The following DNM3 variants were observed in gnomAD, a reference collection of about 807,000 sequenced individuals.
DNM3 encodes dynamin 3.
DNM3 carries 47 observed loss-of-function variants against 101.6 expected under a neutral mutation model. The ratio of observed to expected loss-of-function variants is 0.46; its 90% CI spans 0.37 to 0.59. The LOEUF (loss-of-function observed/expected upper bound fraction) is 0.59, where lower values mean the gene tolerates loss of function less well. DNM3 is among the 20% of genes least tolerant of loss of function. The pLI is 0.00. For synonymous variants in DNM3, 385 were observed against 387.9 expected (o/e 0.99, Z 0.09); for missense variants, 849 against 1,085.7 (o/e 0.78, Z 3.06).
At chr1:172,271,511 A>G (rs1010988505) in intron 15 of DNM3, among the ~76,000 whole-genome samples, 1 of 152,060 alleles carries the variant, frequency 6.6e-6, no homozygotes, top group African/African-American at 2.4e-5. Flanking sequence ...TTCTGCTTTC[A>G]ATCTGTTACA....
intron 2 of DNM3, among the ~76,000 whole-genome samples, chr1:171,929,884 C>G (rs909528332): frequency 2.0e-5 from 3 of 152,118 alleles, no homozygotes; most frequent in East Asian, 1.9e-4. Flanking sequence ...GACGGCTTTT[C>G]CCCCCAGTTG....
intron 20 of DNM3, among the ~76,000 whole-genome samples, chr1:172,397,859 A>T (rs1361519295): frequency 2.0e-5 from 3 of 152,132 alleles, no homozygotes. Flanking sequence ...TGAAAAACGC[A>T]TGGAGTTACT....
At chr1:172,097,545 G>A (rs928566994) in intron 13 of DNM3, among the ~76,000 whole-genome samples, 8 of 152,152 alleles carry the variant, frequency 5.3e-5, no homozygotes, top group Admixed American at 4.6e-4. Flanking sequence ...CATGGTATCC[G>A]AAGCCGTGGG....
chr1:172,207,833 T>C (rs589209), intron 14 of DNM3, among the ~76,000 whole-genome samples: 86,498 of 151,888 alleles, frequency 0.57, 26,636 homozygotes, highest in African/African-American at 0.81. Flanking sequence ...ATCACCTTAA[T>C]ATATTATTTA....
chr1:171,972,592 G>A (rs989031769), intron 2 of DNM3, among the ~76,000 whole-genome samples: 1 of 152,210 alleles, frequency 6.6e-6, no homozygotes, highest in East Asian at 1.9e-4. Flanking sequence ...GCTTATGCCT[G>A]TAATCCCAGC....
chr1:171,866,253 C>T (rs1571317282), intron 1 of DNM3, among the ~76,000 whole-genome samples: 1 of 152,166 alleles, frequency 6.6e-6, no homozygotes, highest in East Asian at 1.9e-4. Context: ...TAATCGCTCC[C>T]TTTCCCTACA....
chr1:172,196,934 T>C (rs1468437213), intron 14 of DNM3, among the ~76,000 whole-genome samples: 1 of 152,070 alleles, frequency 6.6e-6, no homozygotes, highest in African/African-American at 2.4e-5. Flanking sequence ...TGTCAATTTT[T>C]GCTTTTGATG....
chr1:172,169,942 T>C (rs1210899289), intron 14 of DNM3, among the ~76,000 whole-genome samples: 4 of 151,904 alleles, frequency 2.6e-5, no homozygotes, highest in Admixed American at 6.6e-5. Context: ...CTTAACAGCA[T>C]AATGTTGGGT....
intron 20 of DNM3, among the ~76,000 whole-genome samples, chr1:172,402,173 C>CA (rs1425530466): frequency 4.6e-5 from 7 of 151,504 alleles, no homozygotes; most frequent in East Asian, 1.9e-4. Context: ...CCTCAAACTT[C>CA]AAAAAAAATG....
At position 171,989,082 on chromosome 1, in the gene DNM3, A is replaced by G. The variant is rs1213566950; in HGVS notation, c.523A>G (p.Thr175Ala). 3.1e-6 allele frequency: 5 copies of G among 1,613,032 alleles called. No individual in the cohort carries two copies. Among genetic ancestry groups the G allele is most frequent in the Non-Finnish European group, 3.4e-6 (4 of 1,179,506 alleles). The part of the protein sequence containing the change: ...TRENCLILAV[T>A]PANTDLANSD... ...GGAGAACTGTCTGATTTTAGCTGTT[A>G]CTCCAGCCAACACTGATCTTGCAAA... is the stretch of plus-strand genomic sequence containing the variant. Residue 175 changes from threonine to alanine, a missense_variant, in exon 4 of 21, where the codon ACT becomes GCT. Thr to Ala is a moderately conservative substitution (Grantham distance 58, BLOSUM62 0). Around this residue, in one of 5 missense-constraint regions of DNM3, gnomAD observed 388 missense variants for 483.0 expected, o/e 0.80. Coordinates refer to ENST00000627582, the MANE Select transcript of DNM3 (RefSeq NM_015569.5).
chr1:172,172,349 T>C (rs2148348669), intron 14 of DNM3, among the ~76,000 whole-genome samples: 1 of 151,790 alleles, frequency 6.6e-6, no homozygotes, highest in East Asian at 1.9e-4. Context: ...ATGCATACTA[T>C]GCTTTTTTTC....
chr1:172,062,282 T>C (rs2051294742), intron 10 of DNM3, among the ~76,000 whole-genome samples: 1 of 152,152 alleles, frequency 6.6e-6, no homozygotes, highest in African/African-American at 2.4e-5. Context: ...TTTGCCACCA[T>C]GTCAACCCAC....
At chr1:172,106,952 C>A (rs1278970631) in intron 13 of DNM3, among the ~76,000 whole-genome samples, 1 of 147,328 alleles carries the variant, frequency 6.8e-6, no homozygotes, top group African/African-American at 2.5e-5. Flanking sequence ...GCTCCGCTTC[C>A]CGGGTTCACG....
chr1:172,024,531 AG>A (rs922787864), intron 4 of DNM3, among the ~76,000 whole-genome samples: 3 of 152,258 alleles, frequency 2.0e-5, no homozygotes, highest in African/African-American at 7.2e-5. Flanking sequence ...GAATAGGAAC[AG>A]CTCTGGTGTG....
chr1:172,125,238 A>G (rs887052883), intron 13 of DNM3, among the ~76,000 whole-genome samples: 6 of 152,200 alleles, frequency 3.9e-5, no homozygotes, highest in African/African-American at 9.6e-5. Context: ...AGACAGCTGC[A>G]TAGCTGAAAA....
chr1:172,342,711 C>A (rs567573874), intron 17 of DNM3, among the ~76,000 whole-genome samples: 7 of 152,178 alleles, frequency 4.6e-5, no homozygotes, highest in Non-Finnish European at 8.8e-5. Context: ...GCATGTGTAC[C>A]CCTGAACCTA....
At chr1:172,037,012 A>T (rs1420148596) in intron 6 of DNM3, among the ~76,000 whole-genome samples, 16 of 152,230 alleles carry the variant, frequency 1.1e-4, no homozygotes, top group Admixed American at 9.8e-4. Context: ...AAAAGAAGAG[A>T]TTTATGCAGC....
At chr1:172,108,690 T>C (rs759105758) in intron 13 of DNM3, among the ~76,000 whole-genome samples, 3 of 152,198 alleles carry the variant, frequency 2.0e-5, no homozygotes, top group African/African-American at 4.8e-5. Flanking sequence ...CAGGCTGAAT[T>C]ATATGGGATG....
At chr1:172,021,449 C>G (rs1487750960) in intron 4 of DNM3, among the ~76,000 whole-genome samples, 1 of 152,020 alleles carries the variant, frequency 6.6e-6, no homozygotes, top group Non-Finnish European at 1.5e-5. Context: ...GAGTGAAACT[C>G]TGTCTCTAAA....
Sources: allele counts gnomAD v4.1 joint callset (sites outside exome capture counted in the v4.1 genomes callset), GRCh38; gene constraint gnomAD v4.1.1; regional missense constraint gnomAD v4.1.1; transcripts MANE v1.5; gene names NCBI Gene and HGNC (gene_info 2026-07-23, HGNC 2026-07-21).